NEDD9: variants seen among roughly 807,000 people sequenced by gnomAD.
NEDD9 encodes enhancer of filamentation 1.
NEDD9 carries 26 observed loss-of-function variants against 76.6 expected under a neutral mutation model. That is an observed-to-expected ratio of 0.34 (90% CI 0.25 to 0.47). NEDD9 has a LOEUF of 0.47. NEDD9 is among the 20% of genes least tolerant of loss of function. NEDD9 has a pLI of 1.00. For synonymous variants in NEDD9, 392 were observed against 414.2 expected, an observed-to-expected ratio of 0.95 and a Z score of 0.65; for missense variants, 937 against 1,058.5, an observed-to-expected ratio of 0.89 and a Z score of 1.59.
chr6:11,276,425 G>C (rs545986100), intron 3 of NEDD9, among the ~76,000 whole-genome samples: 3 of 152,148 alleles, frequency 2.0e-5, no homozygotes, highest in Non-Finnish European at 4.4e-5. Flanking sequence ...GTGTGCGCAC[G>C]CGCACACATG....
chr6:11,246,722 C>T (rs548134410), intron 3 of NEDD9, among the ~76,000 whole-genome samples: 17 of 152,216 alleles, frequency 1.1e-4, no homozygotes, highest in South Asian at 2.1e-4. Flanking sequence ...TCTCCCTCTC[C>T]CTTGCAGTAT....
chr6:11,315,269 T>C (rs772756028), intron 2 of NEDD9, among the ~76,000 whole-genome samples: 7 of 152,228 alleles, frequency 4.6e-5, no homozygotes, highest in Non-Finnish European at 8.8e-5. Flanking sequence ...TCACACAGTT[T>C]ATTTTGGTAG....
At chr6:11,271,542 C>T (rs1046055065) in intron 3 of NEDD9, 1 of 152,248 alleles carries the variant, frequency 6.6e-6, no homozygotes, top group African/African-American at 2.4e-5. Flanking sequence ...TAGGTTCAGT[C>T]TAAGCAGCTA....
chr6:11,217,408 C>T (rs1026540263), intron 1 of NEDD9, among the ~76,000 whole-genome samples: 1 of 152,144 alleles, frequency 6.6e-6, no homozygotes, highest in Non-Finnish European at 1.5e-5. Context: ...GCCCACTCAC[C>T]CCCTTGGATA....
intron 1 of NEDD9, among the ~76,000 whole-genome samples, chr6:11,221,396 G>T (rs1341501538): frequency 7.1e-6 from 1 of 140,052 alleles, no homozygotes; most frequent in South Asian, 2.3e-4. Context: ...AAAAAAAAAA[G>T]AAAAAGAAAA....
intron 1 of NEDD9, among the ~76,000 whole-genome samples, chr6:11,379,426 A>G (rs189906423): frequency 6.6e-6 from 1 of 151,992 alleles, no homozygotes; most frequent in Admixed American, 6.6e-5. Flanking sequence ...CATCTCTACT[A>G]AAAACACAAA....
chr6:11,255,983 C>T (rs184468625), intron 3 of NEDD9, among the ~76,000 whole-genome samples: 75 of 152,252 alleles, frequency 4.9e-4, no homozygotes, highest in African/African-American at 1.6e-3. Flanking sequence ...CGGAGGAATA[C>T]AGGAGTAACA....
chr6:11,360,028 T>C (rs1232375096), intron 1 of NEDD9, among the ~76,000 whole-genome samples: 5 of 152,204 alleles, frequency 3.3e-5, no homozygotes, highest in Admixed American at 6.5e-5. Context: ...GATTCATAAC[T>C]AAACTGTCCA....
rs139566549 is a variant in NEDD9, at chr6:11,248,309, G to A, written c.13-34582C>T. ...CAGCTAAGTGCGCCATCTCTTCTCC[G>A]TAATGGTGAATCAGGGAGGGGTTAG... On this transcript the variant is annotated intron_variant, in intron 3 of 3. Transcript: ENST00000397378. Among the ~76,000 whole-genome samples the A allele has an allele frequency of 3.9e-4, 60 of 152,200 alleles. No individual in the cohort carries two copies. In the East Asian group the frequency reaches 5.6e-3, roughly 14 times the overall value.
chr6:11,265,726 T>A (rs1159526596), intron 3 of NEDD9, among the ~76,000 whole-genome samples: 4 of 152,188 alleles, frequency 2.6e-5, no homozygotes, highest in African/African-American at 9.7e-5. Context: ...TAAAGATAAC[T>A]GTATTTACAT....
At chr6:11,259,356 A>C (rs1330654402) in intron 3 of NEDD9, among the ~76,000 whole-genome samples, 4 of 152,188 alleles carry the variant, frequency 2.6e-5, no homozygotes, top group African/African-American at 9.7e-5. Flanking sequence ...TAACACAGCA[A>C]ATGATTTCGG....
At chr6:11,335,011 C>T (rs749074161) in intron 1 of NEDD9, among the ~76,000 whole-genome samples, 10 of 152,170 alleles carry the variant, frequency 6.6e-5, no homozygotes, top group Non-Finnish European at 8.8e-5. Context: ...CTTACAACTA[C>T]ACGAGAAGTT....
At chr6:11,311,437 C>T (rs543624691) in intron 2 of NEDD9, among the ~76,000 whole-genome samples, 40 of 152,164 alleles carry the variant, frequency 2.6e-4, no homozygotes, top group Non-Finnish European at 4.4e-5. Context: ...CCCAGCCTCC[C>T]GAGCTGTGAA....
Position 11,186,099 on chromosome 6 carries a change from T to C in NEDD9, c.1996-428A>G, listed in dbSNP as rs1757975317. ...GTGACCTCCTTGTCAAGTAAGTCAC[T>C]GACAGTTTGCTCCTTCTCGGAGAAA... On this transcript the variant is annotated intron_variant, in intron 6 of 6. Transcript: ENST00000379446. Among the ~76,000 whole-genome samples, 3 of 152,300 alleles carry C rather than the reference T, an allele frequency of 2.0e-5. No homozygotes were observed. In the East Asian group the frequency reaches 5.8e-4, roughly 29 times the overall value.
At position 11,204,372 on chromosome 6, in the gene NEDD9, T is replaced by G. The variant is rs112248414; in HGVS notation, c.459+8909A>C. Among the ~76,000 whole-genome samples, 957 of 152,204 alleles carry G rather than the reference T, an allele frequency of 6.3e-3. 6 individuals carry two copies. Among genetic ancestry groups the G allele is most frequent in the Non-Finnish European group, 0.011 (733 of 67,998 alleles). On this transcript the variant is annotated intron_variant, in intron 2 of 6. Transcript: ENST00000379446. The stretch of plus-strand genomic sequence containing the variant: ...GCTGGGTAACTTGTGTTTTGGGAGG[T>G]GCCCCCACCTGGTTAAATGAAGTTA...
chr6:11,328,672 A>G (rs1428646370), intron 2 of NEDD9: 1 of 152,264 alleles, frequency 6.6e-6, no homozygotes, highest in East Asian at 1.9e-4. Flanking sequence ...GCCGGTGTGC[A>G]GCAGCCGGGT....
At chr6:11,270,448 C>T (rs1760280270) in intron 3 of NEDD9, among the ~76,000 whole-genome samples, 3 of 151,346 alleles carry the variant, frequency 2.0e-5, no homozygotes, top group Non-Finnish European at 4.4e-5. Flanking sequence ...CTTTTCCTAC[C>T]ATCCCAGGAA....
At chr6:11,323,753 T>A (rs1338905564) in intron 2 of NEDD9, among the ~76,000 whole-genome samples, 1 of 152,212 alleles carries the variant, frequency 6.6e-6, no homozygotes, top group African/African-American at 2.4e-5. Context: ...GGGACAGCCT[T>A]CCGCTGTGGT....
At chr6:11,234,627 G>T (rs563315510), upstream of NEDD9, among the ~76,000 whole-genome samples, 1 of 152,130 alleles carries the variant, frequency 6.6e-6, no homozygotes, top group Non-Finnish European at 1.5e-5. Flanking sequence ...AGAAGGCTTG[G>T]GTCAGTATAT....
Sources: allele counts gnomAD v4.1 joint callset (sites outside exome capture counted in the v4.1 genomes callset), GRCh38; gene constraint gnomAD v4.1.1; transcripts MANE v1.5; gene names NCBI Gene and HGNC (gene_info 2026-07-23, HGNC 2026-07-21).